Variants in ADH7 observed in about 807,000 individuals in gnomAD.
ADH7 encodes alcohol dehydrogenase 7 (class IV), mu or sigma polypeptide, also known as all-trans-retinol dehydrogenase [NAD(+)] ADH7.
ADH7 carries 41 observed loss-of-function variants against 34.4 expected under a neutral mutation model. That is an observed-to-expected ratio of 1.19 (90% CI 0.93 to 1.55). The LOEUF is 1.55. Ranked by LOEUF, ADH7 falls within the 40% of genes most tolerant of loss-of-function variation. The pLI, the probability that ADH7 is intolerant of heterozygous loss-of-function variation, is 0.00. For missense variants in ADH7, 540 were observed against 461.2 expected, an observed-to-expected ratio of 1.17 and a Z score of -1.56; for synonymous variants, 180 against 160.9, an observed-to-expected ratio of 1.12 and a Z score of -0.90.
At chr4:99,426,359 A>G (rs1032788773) in intron 5 of ADH7, among the ~76,000 whole-genome samples, 1 of 152,192 alleles carries the variant, frequency 6.6e-6, no homozygotes, top group African/African-American at 2.4e-5. Context: ...TAGATGCAAT[A>G]AAAAATGATA....
chr4:99,413,299 G>T, intron 8 of ADH7, 127 bp from the exon 9 acceptor site: 1 of 1,001,284 alleles, frequency 1.0e-6, no homozygotes, highest in Non-Finnish European at 1.5e-6. Context: ...AAATCCTCTG[G>T]GCTCAAAGTC....
chr4:99,432,032 C>T (rs944914626), intron 1 of ADH7, among the ~76,000 whole-genome samples: 2 of 152,134 alleles, frequency 1.3e-5, no homozygotes, highest in Admixed American at 1.3e-4. Context: ...TTCACGGAAG[C>T]ACTATTCACA....
At position 99,427,810 on chromosome 4, in the gene ADH7, A is replaced by T. The variant is rs772166086; in HGVS notation, c.527T>A (p.Phe176Tyr). The T allele has an allele frequency of 6.2e-7, 1 of 1,600,166 alleles. No individual in the cohort carries two copies. Among genetic ancestry groups the T allele is most frequent in the Non-Finnish European group, 8.5e-7 (1 of 1,171,884 alleles). The change falls in exon 5 of 9, where the codon TTT becomes TAT. Residue 176 changes from phenylalanine to tyrosine, a missense_variant. Physicochemically the swap from Phe to Tyr is conservative, Grantham distance 22 (BLOSUM62 3). Coordinates refer to ENST00000437033, the MANE Select transcript of ADH7 (RefSeq NM_000673.7). ...AACAGCAGCGCCATATCCAGTGGAA[A>T]ACCCACAGCCAATTAAACAGACTTT... ...PEKVCLIGCG[F>Y]STGYGAAVKT...
intron 1 of ADH7, among the ~76,000 whole-genome samples, chr4:99,434,259 G>C (rs1302056350): frequency 6.6e-6 from 1 of 152,002 alleles, no homozygotes; most frequent in Non-Finnish European, 1.5e-5. Context: ...AATATCCATG[G>C]GTAGAGTTGC....
intron 7 of ADH7, among the ~76,000 whole-genome samples, chr4:99,416,067 C>T (rs1434374770): frequency 2.0e-5 from 3 of 152,020 alleles, no homozygotes; most frequent in African/African-American, 7.2e-5. Flanking sequence ...TGCAGCAAAC[C>T]ACCATGGCAC....
At chr4:99,433,870 A>C (rs1294640446) in intron 1 of ADH7, among the ~76,000 whole-genome samples, 2 of 152,174 alleles carry the variant, frequency 1.3e-5, no homozygotes, top group Non-Finnish European at 2.9e-5. Flanking sequence ...CTAGGAAACT[A>C]ATACAGTTAT....
intron 8 of ADH7, among the ~76,000 whole-genome samples, chr4:99,413,583 C>T (rs1246650850): frequency 1.3e-5 from 2 of 152,142 alleles, no homozygotes; most frequent in African/African-American, 2.4e-5. Flanking sequence ...ATGCCAAATT[C>T]TTAACTGTTG....
chr4:99,424,195 G>T (rs544346915), intron 5 of ADH7, among the ~76,000 whole-genome samples: 34 of 152,170 alleles, frequency 2.2e-4, no homozygotes, highest in Non-Finnish European at 2.9e-5. Context: ...TTGTAGATAT[G>T]TGGCGTTATT....
At chr4:99,422,847 T>TC (rs398107722) in intron 5 of ADH7, among the ~76,000 whole-genome samples, 6 of 150,018 alleles carry the variant, frequency 4.0e-5, no homozygotes, top group African/African-American at 1.5e-4. Flanking sequence ...TATTTTTTTT[T>TC]CTAATAAAAT....
chr4:99,432,519 G>C (rs1236428940), intron 1 of ADH7: 1 of 152,126 alleles, frequency 6.6e-6, no homozygotes, highest in Non-Finnish European at 1.5e-5. Context: ...AAAATTTTGT[G>C]TGTTGAGAAA....
At chr4:99,415,654 A>G in intron 7 of ADH7, 38 bp from the exon 8 acceptor site, 2 of 1,586,144 alleles carry the variant, frequency 1.3e-6, no homozygotes, top group Non-Finnish European at 1.7e-6. Context: ...AGACATTACT[A>G]AATAATCCTT....
intron 5 of ADH7, among the ~76,000 whole-genome samples, chr4:99,426,415 G>C (rs996513643): frequency 1.3e-5 from 2 of 152,140 alleles, no homozygotes; most frequent in Admixed American, 1.3e-4. Flanking sequence ...ACTACCATCA[G>C]AGAATACTAC....
chr4:99,431,019 C>T (rs1278856971), intron 1 of ADH7, among the ~76,000 whole-genome samples: 2 of 152,044 alleles, frequency 1.3e-5, no homozygotes, highest in Non-Finnish European at 2.9e-5. Context: ...AGCATAGTCT[C>T]GATCTCCTGA....
At position 99,420,609 on chromosome 4, in the gene ADH7, A is replaced by T. The variant is rs778846877; in HGVS notation, c.749T>A (p.Ile250Asn). ...CISPKDSTKPISEVLSEMTGN... is the reference protein window; with the variant it reads ...CISPKDSTKPNSEVLSEMTGN... ...TGTCATTTCTGACAGCACCTCACTGATGGGTTTGGTAGAGTCCTTGGGACT... is the reference window on the plus strand; with the variant it reads ...TGTCATTTCTGACAGCACCTCACTGTTGGGTTTGGTAGAGTCCTTGGGACT... Residue 250 changes from isoleucine (I) to asparagine (N), a missense_variant, in exon 6 of 9, where the codon ATC (isoleucine) becomes AAC (asparagine). Physicochemically the swap from Ile to Asn is moderately radical, Grantham distance 149. Transcript: ENST00000437033. 6.2e-7 allele frequency: 1 copy of T among 1,613,894 alleles called. No individual in the cohort carries two copies. Among genetic ancestry groups the T allele is most frequent in the Admixed American group, 1.7e-5 (1 of 59,930 alleles).
intron 5 of ADH7, among the ~76,000 whole-genome samples, chr4:99,424,500 C>T (rs1357005311): frequency 6.6e-6 from 1 of 152,126 alleles, no homozygotes; most frequent in African/African-American, 2.4e-5. Context: ...ATTGATTCTT[C>T]CTACCCATGA....
At position 99,413,167 on chromosome 4, in the gene ADH7, C is replaced by T. The variant is rs771486925; in HGVS notation, c.1106G>A (p.Arg369Gln). The T allele has an allele frequency of 1.4e-5, 22 of 1,613,136 alleles. No individual in the cohort carries two copies. In the South Asian group the frequency reaches 1.9e-4, roughly 14 times the overall value. Residue 369 changes from arginine to glutamine, a missense_variant, in exon 9 of 9, where the codon CGA (arginine) becomes CAA (glutamine). Coordinates refer to ENST00000437033, the MANE Select transcript of ADH7 (RefSeq NM_000673.7). The part of the protein sequence containing the change: ...FELLNSGQSI[R>Q]TVLTF ...TGGATCTCAAAACGTCAGGACCGTT[C>T]GAATGCTGAAATGTAAAATGAGAGT...
At position 99,428,163 on chromosome 4, in the gene ADH7, T is replaced by A; in HGVS notation, c.271A>T (p.Ile91Phe). The A allele has an allele frequency of 6.2e-7, 1 of 1,613,848 alleles. No individual in the cohort carries two copies. Among genetic ancestry groups the A allele is most frequent in the Non-Finnish European group, 8.5e-7 (1 of 1,179,812 alleles). The change falls in exon 4 of 9, where the codon ATC becomes TTC. Residue 91 changes from isoleucine (I) to phenylalanine (F), a missense_variant. Physicochemically the swap from Ile to Phe is conservative, Grantham distance 21. Transcript: ENST00000437033. ...CTACATTGTGGCAGAAAGAGAGGGA[T>A]GACTTTGTCACCTACAGGAAAAAAA... ...VTTVKPGDKV[I>F]PLFLPQCREC...
intron 6 of ADH7, 84 bp downstream of exon 6, chr4:99,420,449 T>C: frequency 2.9e-6 from 4 of 1,383,172 alleles, no homozygotes; most frequent in Non-Finnish European, 3.0e-6. Context: ...TATTGACTAT[T>C]AATAAAGTTA....
intron 1 of ADH7, among the ~76,000 whole-genome samples, chr4:99,430,570 CT>C (rs1250963342): frequency 6.6e-6 from 1 of 152,142 alleles, no homozygotes. Context: ...CTAGAGAGCT[CT>C]TATGGATTCT....
Sources: gnomAD v4.1 joint callset for allele counts (sites outside exome capture counted in the v4.1 genomes callset) on GRCh38, gnomAD v4.1.1 for gene constraint, MANE v1.5 for transcripts, NCBI Gene and HGNC (gene_info 2026-07-23, HGNC 2026-07-21) for gene names.